Variants in MACROD2 observed in about 807,000 individuals in gnomAD.
MACROD2 encodes the protein ADP-ribose glycohydrolase MACROD2.
Under a neutral mutation model 70.4 loss-of-function variants are expected in MACROD2, and 36 were observed. The ratio of observed to expected loss-of-function variants is 0.51; its 90% confidence interval spans 0.39 to 0.68. The LOEUF is 0.68. MACROD2 is among the 30% of genes least tolerant of loss of function. MACROD2 has a pLI of 0.00. For missense variants in MACROD2, 496 were observed against 538.4 expected (o/e 0.92, Z 0.78); for synonymous variants, 172 against 178.8 (o/e 0.96, Z 0.30).
intron 7 of MACROD2, among the ~76,000 whole-genome samples, chr20:15,477,098 A>ATTTTT (rs769382441): frequency 1.4e-5 from 1 of 69,756 alleles, no homozygotes; most frequent in Non-Finnish European, 2.8e-5. Context: ...CTCTATTTTT[A>ATTTTT]GTTTTTTTTT....
intron 3 of MACROD2, among the ~76,000 whole-genome samples, chr20:14,306,708 A>G (rs2082523756): frequency 1.3e-5 from 2 of 152,084 alleles, no homozygotes; most frequent in South Asian, 4.1e-4. Context: ...AACATCAGAC[A>G]GCTAGGATCT....
At chr20:15,276,060 T>A (rs1349760781) in intron 6 of MACROD2, among the ~76,000 whole-genome samples, 1 of 152,168 alleles carries the variant, frequency 6.6e-6, no homozygotes, top group Non-Finnish European at 1.5e-5. Context: ...TTACAAAACT[T>A]TTCTTAATAG....
intron 12 of MACROD2, among the ~76,000 whole-genome samples, chr20:15,948,295 T>C (rs547489034): frequency 2.1e-5 from 3 of 140,870 alleles, no homozygotes; most frequent in Non-Finnish European, 4.5e-5. Context: ...GGAGGGACAA[T>C]GATCGGCATA....
intron 5 of MACROD2, among the ~76,000 whole-genome samples, chr20:15,137,461 A>G (rs1003931436): frequency 4.7e-5 from 7 of 150,448 alleles, no homozygotes; most frequent in Non-Finnish European, 8.9e-5. Flanking sequence ...TCGCAAGGAC[A>G]AAAAACCAAA....
At chr20:14,316,470 A>C (rs2082612418) in intron 3 of MACROD2, among the ~76,000 whole-genome samples, 1 of 152,228 alleles carries the variant, frequency 6.6e-6, no homozygotes, top group South Asian at 2.1e-4. Flanking sequence ...AGCTTGTCCA[A>C]CTCATAGCCC....
At chr20:14,724,756 TAGACAA>T (rs764035819) in intron 5 of MACROD2, among the ~76,000 whole-genome samples, 7 of 152,148 alleles carry the variant, frequency 4.6e-5, no homozygotes, top group Non-Finnish European at 7.4e-5. Flanking sequence ...ATTCAGGTAT[TAGACAA>T]AGACAGGCTC....
chr20:16,003,687 T>A (rs1053708404), intron 15 of MACROD2, among the ~76,000 whole-genome samples: 9 of 152,248 alleles, frequency 5.9e-5, no homozygotes, highest in African/African-American at 1.7e-4. Context: ...CTTTTTCTTT[T>A]AGAGACAGAG....
intron 5 of MACROD2, among the ~76,000 whole-genome samples, chr20:14,923,225 A>G (rs1209667532): frequency 1.3e-5 from 2 of 152,076 alleles, no homozygotes; most frequent in African/African-American, 4.8e-5. Context: ...AAGAGCCCTA[A>G]AGTTCAGTCC....
intron 3 of MACROD2, among the ~76,000 whole-genome samples, chr20:14,317,046 G>C (rs548083330): frequency 1.3e-5 from 2 of 152,070 alleles, no homozygotes; most frequent in African/African-American, 4.8e-5. Flanking sequence ...TCTCACCTAC[G>C]TCTTGATCAC....
chr20:14,156,489 A>G (rs761725206), intron 3 of MACROD2, among the ~76,000 whole-genome samples: 1 of 152,160 alleles, frequency 6.6e-6, no homozygotes, highest in Non-Finnish European at 1.5e-5. Context: ...CTAAAATGAC[A>G]TTTTCTGCCT....
chr20:14,806,509 C>T (rs965632519), intron 5 of MACROD2, among the ~76,000 whole-genome samples: 6 of 152,102 alleles, frequency 3.9e-5, no homozygotes, highest in Middle Eastern at 3.4e-3. Flanking sequence ...CTAAACTGGG[C>T]GGCTGTTTGG....
intron 3 of MACROD2, among the ~76,000 whole-genome samples, chr20:14,343,523 A>G (rs757208155): frequency 4.5e-4 from 69 of 152,220 alleles, no homozygotes; most frequent in Non-Finnish European, 8.1e-4. Context: ...TTTAATCTTC[A>G]TAGTGATGAG....
chr20:14,332,480 A>T (rs926534268), intron 3 of MACROD2, among the ~76,000 whole-genome samples: 6 of 152,168 alleles, frequency 3.9e-5, no homozygotes, highest in African/African-American at 1.4e-4. Flanking sequence ...TTAGATTAAG[A>T]TGAAGCTGTA....
At chr20:14,765,904 A>G (rs2072081756) in intron 5 of MACROD2, among the ~76,000 whole-genome samples, 1 of 152,078 alleles carries the variant, frequency 6.6e-6, no homozygotes, top group Non-Finnish European at 1.5e-5. Context: ...GCTGTACCAC[A>G]GACTTAAAGG....
chr20:15,660,827 G>T (rs555896217), intron 8 of MACROD2, among the ~76,000 whole-genome samples: 5 of 139,792 alleles, frequency 3.6e-5, no homozygotes, highest in African/African-American at 7.8e-5. Flanking sequence ...ACCCTTCAAC[G>T]TTATGTTTAA....
chr20:15,606,269 C>T (rs2048891711), intron 8 of MACROD2, among the ~76,000 whole-genome samples: 1 of 152,162 alleles, frequency 6.6e-6, no homozygotes, highest in Non-Finnish European at 1.5e-5. Flanking sequence ...ACTCTCGACT[C>T]GACTTCTCTA....
intron 5 of MACROD2, among the ~76,000 whole-genome samples, chr20:15,089,257 T>C (rs537670026): frequency 1.3e-5 from 2 of 152,322 alleles, no homozygotes; most frequent in African/African-American, 2.4e-5. Flanking sequence ...TTATCTCTTA[T>C]AGCTCCTATA....
At chr20:15,400,492 T>C (rs756582248) in intron 6 of MACROD2, among the ~76,000 whole-genome samples, 5 of 152,222 alleles carry the variant, frequency 3.3e-5, no homozygotes, top group African/African-American at 4.8e-5. Context: ...GCTGCCTAGC[T>C]CACTGTGGCA....
At position 15,116,719 on chromosome 20, in the gene MACROD2, A is replaced by G. The variant is rs73254992; in HGVS notation, c.419-113221A>G. 5.8e-3 allele frequency among the ~76,000 whole-genome samples: 880 copies of G among 152,294 alleles called. 8 individuals carry two copies. The highest frequency in any genetic ancestry group is 0.02 in the African/African-American group (827 of 41,566). On this transcript the variant is annotated intron_variant, in intron 5 of 17. Transcript: ENST00000684519. ...CATCTTCTTTTATCTAGCTGACTTT[A>G]TTATAAGAATACAGTATATAATACA...
Sources: gnomAD v4.1 joint callset for allele counts (sites outside exome capture counted in the v4.1 genomes callset) on GRCh38, gnomAD v4.1.1 for gene constraint, MANE v1.5 for transcripts, NCBI Gene and HGNC (gene_info 2026-07-23, HGNC 2026-07-21) for gene names.